SLC14A1: variants seen among roughly 807,000 people sequenced by gnomAD.
The protein encoded by SLC14A1 is solute carrier family 14 member 1 (Kidd blood group).
In SLC14A1, 36 loss-of-function variants were observed where a neutral mutation model predicts 39.6. The ratio of observed to expected loss-of-function variants is 0.91; its 90% confidence interval spans 0.70 to 1.20. SLC14A1 has a LOEUF of 1.20. Ranked by LOEUF, SLC14A1 falls within the 50% of genes most tolerant of loss-of-function variation. The pLI, the probability that SLC14A1 is intolerant of heterozygous loss-of-function variation, is 0.00. For missense variants in SLC14A1, 469 were observed against 478.7 expected (o/e 0.98, Z 0.19); for synonymous variants, 164 against 173.6 (o/e 0.94, Z 0.43).
chr18:45,751,080 C>T lies in SLC14A1; in HGVS notation c.*1129C>T. The T allele has an allele frequency of 1.0e-6, 1 of 959,678 alleles. No individual in the cohort carries two copies. The highest frequency in any genetic ancestry group is 1.2e-6 in the Non-Finnish European group (1 of 806,498). 59.4% of individuals were successfully genotyped at this position (959,678 alleles called of 1,614,324 possible). A position where few individuals can be genotyped will look rare whatever the true frequency, so the allele number is the denominator to read the frequency against. On this transcript the variant is annotated 3_prime_UTR_variant, in exon 10 of 10. Transcript: ENST00000321925. Reference sequence around the variant, plus strand: ...AAGGGCTGAGTGCGGTGGCTCACGCCTGTAATCCCAGCACTTTGGGGAGCC... The same window carrying T: ...AAGGGCTGAGTGCGGTGGCTCACGCTTGTAATCCCAGCACTTTGGGGAGCC...
chr18:45,726,062 C>T (rs77966745), intron 2 of SLC14A1, among the ~76,000 whole-genome samples: 5 of 152,128 alleles, frequency 3.3e-5, no homozygotes. Flanking sequence ...AACATGAGAG[C>T]CCTACCACTG....
At chr18:45,731,383 G>A in intron 4 of SLC14A1, 179 bp downstream of exon 4, 1 of 679,176 alleles carries the variant, frequency 1.5e-6, no homozygotes, top group Non-Finnish European at 2.6e-6. Flanking sequence ...TCTTGCTCTT[G>A]ATATCTGAAT....
intron 5 of SLC14A1, among the ~76,000 whole-genome samples, chr18:45,735,944 GAC>G (rs1195479047): frequency 6.6e-6 from 1 of 152,236 alleles, no homozygotes; most frequent in African/African-American, 2.4e-5. Flanking sequence ...ACAGCTCAAG[GAC>G]ACACACTCTG....
chr18:45,740,993 CT>C (rs950563729), intron 8 of SLC14A1: 1 of 152,330 alleles, frequency 6.6e-6, no homozygotes, highest in Non-Finnish European at 1.5e-5. Flanking sequence ...CTACTCCATC[CT>C]TCTTACTTTA....
chr18:45,739,413 T>C, intron 7 of SLC14A1, 103 bp downstream of exon 7: 1 of 1,606,822 alleles, frequency 6.2e-7, no homozygotes, highest in African/African-American at 1.3e-5. Context: ...CTTGGCTTCC[T>C]AGGGACCAAT....
At chr18:45,748,673 G>C (rs1599330392) in intron 9 of SLC14A1, among the ~76,000 whole-genome samples, 1 of 152,122 alleles carries the variant, frequency 6.6e-6, no homozygotes. Context: ...TGAAACGTAG[G>C]TTGTATAACA....
chr18:45,750,216 A>G lies in SLC14A1; in HGVS notation c.*265A>G. 1 of 1,381,214 alleles carries G rather than the reference A, an allele frequency of 7.2e-7. No homozygotes were observed. Among genetic ancestry groups the G allele is most frequent in the Non-Finnish European group, 9.4e-7 (1 of 1,067,632 alleles). 85.6% of individuals were successfully genotyped at this position (1,381,214 alleles called of 1,614,324 possible). ...TTGGCACTAAGACTGGAATGTATAT[A>G]AAGTCAAAGTGCTCCAACAGAAGGA... is the stretch of plus-strand genomic sequence containing the variant. On this transcript the variant is annotated 3_prime_UTR_variant, in exon 10 of 10. Transcript: ENST00000321925.
intron 2 of SLC14A1, among the ~76,000 whole-genome samples, chr18:45,726,234 C>T (rs1466206356): frequency 6.6e-6 from 1 of 152,086 alleles, no homozygotes; most frequent in Non-Finnish European, 1.5e-5. Flanking sequence ...GAAGTGTTTC[C>T]TAAAATTGTG....
chr18:45,731,293 C>A, intron 4 of SLC14A1, 89 bp downstream of exon 4: 1 of 1,254,570 alleles, frequency 8.0e-7, no homozygotes, highest in Non-Finnish European at 1.2e-6. Flanking sequence ...AAACCACATC[C>A]TTCCCAGGAT....
At chr18:45,732,788 A>G (rs1296917455) in intron 4 of SLC14A1, among the ~76,000 whole-genome samples, 1 of 152,156 alleles carries the variant, frequency 6.6e-6, no homozygotes, top group Non-Finnish European at 1.5e-5. Flanking sequence ...TGTGCCTTTC[A>G]CGGTGCCAGA....
At chr18:45,726,539 A>C (rs2144730326) in intron 2 of SLC14A1, among the ~76,000 whole-genome samples, 1 of 152,348 alleles carries the variant, frequency 6.6e-6, no homozygotes, top group South Asian at 2.1e-4. Flanking sequence ...TTATGCCTGT[A>C]ATCCCAGTGT....
chr18:45,732,779 G>A (rs1248379368), intron 4 of SLC14A1, among the ~76,000 whole-genome samples: 1 of 152,170 alleles, frequency 6.6e-6, no homozygotes, highest in Non-Finnish European at 1.5e-5. Context: ...AGTGGATCCT[G>A]TGCCTTTCAC....
intron 9 of SLC14A1, among the ~76,000 whole-genome samples, chr18:45,749,441 A>G (rs1363884164): frequency 6.6e-6 from 1 of 152,152 alleles, no homozygotes; most frequent in Non-Finnish European, 1.5e-5. Context: ...CCTTGTGGAC[A>G]TGAAGACTGG....
rs28903072 is a variant in SLC14A1, at chr18:45,752,067, A to G, written c.*2116A>G. ...GCAAACATATCGTTCCAATTTTAAA[A>G]CCCAGTGACCAAAGCCTTTGGAACT... On this transcript the variant is annotated 3_prime_UTR_variant, in exon 10 of 10. Transcript: ENST00000321925. 7,052 of 985,298 alleles carry G rather than the reference A, an allele frequency of 7.2e-3. 30 individuals are homozygous for G. The highest frequency in any genetic ancestry group is 7.9e-3 in the Non-Finnish European group (6,576 of 829,914). The allele number at this position is 985,298 out of a possible 1,614,324, so 61.0% of individuals were successfully genotyped here.
chr18:45,751,010 T>A lies in SLC14A1; in HGVS notation c.*1059T>A. On this transcript the variant is annotated 3_prime_UTR_variant, in exon 10 of 10. Transcript: ENST00000321925. ...CATTATTTTTTGCACACTCACAATATTCTCTCTCAGAAATCAATGGCATTT... is the reference window on the plus strand; with the variant it reads ...CATTATTTTTTGCACACTCACAATAATCTCTCTCAGAAATCAATGGCATTT... 2 of 985,240 alleles carry A rather than the reference T, an allele frequency of 2.0e-6. No individual in the cohort carries two copies. Among genetic ancestry groups the A allele is most frequent in the Non-Finnish European group, 2.4e-6 (2 of 829,800 alleles). The allele number at this position is 985,240 out of a possible 1,614,324, so 61.0% of individuals were successfully genotyped here.
chr18:45,725,394 C>T (rs913969011), intron 2 of SLC14A1, among the ~76,000 whole-genome samples: 1 of 152,194 alleles, frequency 6.6e-6, no homozygotes, highest in Non-Finnish European at 1.5e-5. Context: ...CTTCAGCACA[C>T]ATAAGCCTTG....
intron 2 of SLC14A1, 114 bp from the exon 3 acceptor site, chr18:45,730,186 T>C: frequency 1.7e-6 from 2 of 1,152,326 alleles, no homozygotes; most frequent in Non-Finnish European, 1.2e-6. Flanking sequence ...AATGGTGCTC[T>C]CTTAGTTCTA....
intron 6 of SLC14A1, 75 bp downstream of exon 6, chr18:45,736,723 G>A (rs1237586147): frequency 3.1e-6 from 4 of 1,292,090 alleles, no homozygotes; most frequent in Non-Finnish European, 4.5e-6. Flanking sequence ...ACTGTCCACG[G>A]GTGTCAGAGT....
intron 3 of SLC14A1, 126 bp downstream of exon 3, chr18:45,730,597 T>C: frequency 9.1e-7 from 1 of 1,099,738 alleles, no homozygotes; most frequent in Non-Finnish European, 1.3e-6. Flanking sequence ...ACTCACCATT[T>C]TTCTACTTTT....
Sources: allele counts gnomAD v4.1 joint callset (sites outside exome capture counted in the v4.1 genomes callset), GRCh38; gene constraint gnomAD v4.1.1; transcripts MANE v1.5; gene names NCBI Gene and HGNC (gene_info 2026-07-23, HGNC 2026-07-21).